The following CLIP2 variants were observed in gnomAD, a reference collection of about 807,000 sequenced individuals.
The protein encoded by CLIP2 is CAP-Gly domain containing linker protein 2.
CLIP2 carries 41 observed loss-of-function variants against 111.7 expected under a neutral mutation model. That is an observed-to-expected ratio of 0.37 (90% CI 0.29 to 0.48). The LOEUF (loss-of-function observed/expected upper bound fraction) is 0.48, where lower values mean the gene tolerates loss of function less well. Among genes scored for constraint, CLIP2 ranks in the 20% least tolerant of loss-of-function variants. The pLI is 0.99. For missense variants in CLIP2, 1,160 were observed against 1,422.1 expected (o/e 0.82, Z 2.96); for synonymous variants, 660 against 644.2 (o/e 1.02, Z -0.37).
Position 74,401,637 on chromosome 7 carries a change from C to A in CLIP2, c.3129+70C>A, listed in dbSNP as rs17145470. 4.7e-3 allele frequency: 6,816 copies of A among 1,455,218 alleles called. 228 individuals are homozygous for A. The African/African-American group carries it at 0.08, about 17-fold the overall frequency. 90.1% of individuals were successfully genotyped at this position (1,455,218 alleles called of 1,614,324 possible). ...ACCTCTCTGGAGAAAATCCTTGAAA[C>A]GTCACTAAGAATACACACAAAGATG... On this transcript the variant is annotated intron_variant, in intron 16 of 16. Transcript: ENST00000223398.
Position 74,404,489 on chromosome 7 carries a change from C to T in CLIP2, c.*641C>T, listed in dbSNP as rs1025894260. ...TTGGCGGGGGCGGAGGGCAGGGGAACGGGATCCTTCTCCCGCTGCCCACCA... is the reference window on the plus strand; with the variant it reads ...TTGGCGGGGGCGGAGGGCAGGGGAATGGGATCCTTCTCCCGCTGCCCACCA... On this transcript the variant is annotated 3_prime_UTR_variant, in exon 17 of 17. Transcript: ENST00000223398. 1.1e-4 allele frequency: 17 copies of T among 154,716 alleles called. No individual in the cohort carries two copies. The highest frequency in any genetic ancestry group is 2.0e-4 in the Non-Finnish European group (14 of 69,520). 9.6% of individuals were successfully genotyped at this position (154,716 alleles called of 1,614,324 possible).
chr7:74,298,652 C>T (rs1554726377), intron 1 of CLIP2, among the ~76,000 whole-genome samples: 2 of 152,154 alleles, frequency 1.3e-5, no homozygotes, highest in Non-Finnish European at 2.9e-5. Context: ...CCTGCCTCAG[C>T]CTCCCAAGTA....
chr7:74,320,784 T>C (rs1332565794), intron 2 of CLIP2, among the ~76,000 whole-genome samples: 1 of 151,736 alleles, frequency 6.6e-6, no homozygotes, highest in Non-Finnish European at 1.5e-5. Context: ...GGGTGGAGTT[T>C]GAAAATGAGA....
Position 74,380,875 on chromosome 7 carries a change from C to T in CLIP2, c.2479+12C>T. On this transcript the variant is annotated intron_variant, in intron 11 of 16. Transcript: ENST00000223398. Reference sequence around the variant, plus strand: ...GGAAACTGTGGAGGGTGAGTGGCCACCAGGCCGGGCGGGACTCTGGGCTCT... The same window carrying T: ...GGAAACTGTGGAGGGTGAGTGGCCATCAGGCCGGGCGGGACTCTGGGCTCT... 1 of 1,613,390 alleles carries T rather than the reference C, an allele frequency of 6.2e-7. No homozygotes were observed. The highest frequency in any genetic ancestry group is 8.5e-7 in the Non-Finnish European group (1 of 1,179,398).
At chr7:74,324,246 C>G (rs1554730403) in intron 2 of CLIP2, among the ~76,000 whole-genome samples, 1 of 152,206 alleles carries the variant, frequency 6.6e-6, no homozygotes, top group African/African-American at 2.4e-5. Flanking sequence ...CCCGCCTCGG[C>G]CTCCCAAAGT....
rs1554312712 is a variant in CLIP2 at position 74,375,988 on chromosome 7, G to A, written c.1587G>A (p.Ser529=). 14 of 1,611,154 alleles carry A rather than the reference G, an allele frequency of 8.7e-6. No homozygotes were observed. The highest frequency in any genetic ancestry group is 1.0e-5 in the Non-Finnish European group (12 of 1,179,338). The change falls in exon 10 of 17, where the codon TCG becomes TCA. Residue 529 remains serine, a synonymous_variant. Transcript: ENST00000223398. ...AGCTCCAGCAGTGCCTGTTGCACTCGGGTCCCCCACCTCCGGACCACCCAG... is the reference window on the plus strand; with the variant it reads ...AGCTCCAGCAGTGCCTGTTGCACTCAGGTCCCCCACCTCCGGACCACCCAG... The part of the protein sequence containing the change: ...IEELQQCLLH[S]GPPPPDHPDA...
At chr7:74,353,774 C>T (rs782081498) in intron 3 of CLIP2, 106 bp from the exon 4 acceptor site, 7 of 1,510,564 alleles carry the variant, frequency 4.6e-6, no homozygotes, top group Non-Finnish European at 6.4e-6. Context: ...CCCGTGTCCT[C>T]TGCATGCTGG....
intron 1 of CLIP2, among the ~76,000 whole-genome samples, chr7:74,291,923 CTTTT>C (rs782577666): frequency 9.8e-5 from 13 of 132,864 alleles, no homozygotes; most frequent in African/African-American, 2.0e-4. Context: ...ATCCTGCCCT[CTTTT>C]TTTTTTTTTT....
chr7:74,309,118 C>G (rs1200917174), intron 1 of CLIP2, among the ~76,000 whole-genome samples: 12 of 152,044 alleles, frequency 7.9e-5, no homozygotes, highest in African/African-American at 2.2e-4. Flanking sequence ...ATTCACCCAC[C>G]TCGGCCTCCC....
At chr7:74,319,886 A>G (rs1225999520) in intron 2 of CLIP2, among the ~76,000 whole-genome samples, 1 of 151,720 alleles carries the variant, frequency 6.6e-6, no homozygotes, top group Non-Finnish European at 1.5e-5. Flanking sequence ...TAGGGAGGGC[A>G]GCCAGGACAG....
chr7:74,389,460 T>C (rs1554315412), intron 13 of CLIP2: 1 of 508,352 alleles, frequency 2.0e-6, no homozygotes, highest in East Asian at 3.5e-5. Flanking sequence ...AAGCAGAGCT[T>C]ATAGAAAAGA....
intron 13 of CLIP2, among the ~76,000 whole-genome samples, chr7:74,394,297 C>T (rs1008659454): frequency 7.4e-6 from 1 of 134,866 alleles, no homozygotes; most frequent in Non-Finnish European, 1.5e-5. Flanking sequence ...GTTGCCCAGG[C>T]TGGAGTGCAG....
chr7:74,360,499 A>G (rs1233141733), intron 7 of CLIP2, among the ~76,000 whole-genome samples: 2 of 152,160 alleles, frequency 1.3e-5, no homozygotes, highest in Non-Finnish European at 2.9e-5. Context: ...AGAACTCTTC[A>G]TATAACTGGA....
At chr7:74,312,000 C>T (rs1041821543) in intron 1 of CLIP2, among the ~76,000 whole-genome samples, 94 of 151,572 alleles carry the variant, frequency 6.2e-4, no homozygotes, top group Non-Finnish European at 1.3e-3. Flanking sequence ...AATCTCAGCA[C>T]TTTGGGAGGC....
rs1478628381 is a variant in CLIP2, at chr7:74,305,855, AC to A, written c.-67-11616del. Among the ~76,000 whole-genome samples the A allele has an allele frequency of 2.1e-4, 11 of 52,290 alleles. 2 individuals carry two copies. Among genetic ancestry groups the A allele is most frequent in the African/African-American group, 9.8e-4 (7 of 7,140 alleles). 34.3% of individuals were successfully genotyped at this position (52,290 alleles called of 152,430 possible). A position where few individuals can be genotyped will look rare whatever the true frequency, so the allele number is the denominator to read the frequency against. On this transcript the variant is annotated intron_variant, in intron 1 of 16. Coordinates refer to ENST00000223398, the MANE Select transcript of CLIP2 (RefSeq NM_003388.5). ...AGCTGGCTTCTCTCCCTGCACCCCA[AC>A]CCCCCCCCACCGCCCCTGCTGCCAG...
intron 16 of CLIP2, 121 bp from the exon 17 acceptor site, chr7:74,403,716 A>G (rs1791687675): frequency 3.1e-6 from 3 of 959,122 alleles, no homozygotes; most frequent in Non-Finnish European, 5.1e-6. Flanking sequence ...TGGCACATGC[A>G]GTTCGCTCTA....
intron 11 of CLIP2, among the ~76,000 whole-genome samples, chr7:74,384,213 C>T (rs1169104402): frequency 6.6e-6 from 1 of 151,956 alleles, no homozygotes; most frequent in Admixed American, 6.6e-5. Context: ...GACAACAAAA[C>T]AAAACAAAAA....
At chr7:74,332,498 A>G (rs537883) in intron 2 of CLIP2, among the ~76,000 whole-genome samples, 85,373 of 135,966 alleles carry the variant, frequency 0.63, 27,847 homozygotes, top group Middle Eastern at 0.77. Flanking sequence ...GGGTCTTGCT[A>G]TGTTGTCCAG....
chr7:74,380,974 T>G (rs1315414014), intron 11 of CLIP2, 111 bp downstream of exon 11: 3 of 1,035,728 alleles, frequency 2.9e-6, no homozygotes, highest in Non-Finnish European at 4.6e-6. Flanking sequence ...TTGGTAAGAG[T>G]CACCTCCTGT....
Sources: gnomAD v4.1 joint callset for allele counts (sites outside exome capture counted in the v4.1 genomes callset) on GRCh38, gnomAD v4.1.1 for gene constraint, MANE v1.5 for transcripts, NCBI Gene and HGNC (gene_info 2026-07-23, HGNC 2026-07-21) for gene names.